ENOX1: variants seen among roughly 807,000 people sequenced by gnomAD.
ENOX1 encodes the protein candidate growth-related and time keeping constitutive hydroquinone (NADH) oxidase.
ENOX1 carries 42 observed loss-of-function variants against 82.5 expected under a neutral mutation model. The ratio of observed to expected loss-of-function variants is 0.51; its 90% CI spans 0.40 to 0.66. ENOX1 has a LOEUF of 0.66. Among genes scored for constraint, ENOX1 ranks in the 30% least tolerant of loss-of-function variants. The probability of loss-of-function intolerance (pLI) is 0.00; values close to 1 mark genes in which losing one functional copy is unlikely to be tolerated. For missense variants in ENOX1, 608 were observed against 811.6 expected (o/e 0.75, Z 3.05); for synonymous variants, 271 against 282.2 (o/e 0.96, Z 0.40).
intron 2 of ENOX1, among the ~76,000 whole-genome samples, chr13:43,503,815 C>G (rs1038664906): frequency 6.6e-6 from 1 of 151,626 alleles, no homozygotes; most frequent in African/African-American, 2.4e-5. Flanking sequence ...TACCAAAGGA[C>G]AGGCAACAAG....
intron 1 of ENOX1, among the ~76,000 whole-genome samples, chr13:43,669,445 TCAACTCCCTTCTTTTCC>T (rs1235978357): frequency 6.6e-6 from 1 of 152,156 alleles, no homozygotes; most frequent in Non-Finnish European, 1.5e-5. Flanking sequence ...TATCTCTAAT[TCAACTCCCTTCTTTTCC>T]CTTTCAATCT....
intron 5 of ENOX1, among the ~76,000 whole-genome samples, chr13:43,391,829 T>C (rs2052796903): frequency 6.6e-6 from 1 of 152,182 alleles, no homozygotes; most frequent in Non-Finnish European, 1.5e-5. Context: ...TCTTTTAACA[T>C]TAAATTCAAT....
chr13:43,771,229 A>G (rs1190434725), intron 1 of ENOX1, among the ~76,000 whole-genome samples: 1 of 152,188 alleles, frequency 6.6e-6, no homozygotes, highest in Admixed American at 6.5e-5. Context: ...AGCTGCCTCC[A>G]GAAAGAGCAG....
At chr13:43,708,058 A>G (rs1410906165) in intron 1 of ENOX1, among the ~76,000 whole-genome samples, 1 of 152,116 alleles carries the variant, frequency 6.6e-6, no homozygotes, top group Non-Finnish European at 1.5e-5. Context: ...GTTTCCCAGT[A>G]GATAGAGAAC....
Position 43,322,486 on chromosome 13 carries a change from G to A in ENOX1, c.1159C>T (p.Gln387Ter), listed in dbSNP as rs769658289. The A allele has an allele frequency of 1.2e-6, 2 of 1,613,422 alleles. No homozygotes were observed. Among genetic ancestry groups the A allele is most frequent in the Admixed American group, 1.7e-5 (1 of 59,920 alleles). The change falls in exon 11 of 17, where the codon CAA becomes TAA. Residue 387 changes from glutamine (Q) to a stop codon, truncating the protein, a stop_gained. Transcript: ENST00000690772. LOFTEE classifies it high-confidence loss of function. Reference sequence around the variant, plus strand: ...CGGATGCCCATGAGCTGCTCACTTTGAGCATTCCGGAGCTCCTGCAAGTAG... The same window carrying A: ...CGGATGCCCATGAGCTGCTCACTTTAAGCATTCCGGAGCTCCTGCAAGTAG... Reference protein sequence around the residue: ...RKHSEELRNAQSEQLMGIRRE... With the variant: ...RKHSEELRNA
intron 2 of ENOX1, among the ~76,000 whole-genome samples, chr13:43,496,237 CTT>C (rs79030140): frequency 0.22 from 33,279 of 151,696 alleles, 3,962 homozygotes; most frequent in Middle Eastern, 0.29. Flanking sequence ...CATCTTTTGA[CTT>C]TTTCTAGAAA....
intron 2 of ENOX1, among the ~76,000 whole-genome samples, chr13:43,616,202 A>AT (rs1248736402): frequency 2.4e-5 from 1 of 41,236 alleles, no homozygotes; most frequent in Non-Finnish European, 4.6e-5. Context: ...ATATATATAT[A>AT]TATTTTTTTT....
intron 1 of ENOX1, among the ~76,000 whole-genome samples, chr13:43,669,198 TAA>T (rs2085136477): frequency 6.6e-6 from 1 of 152,154 alleles, no homozygotes; most frequent in Admixed American, 6.6e-5. Flanking sequence ...AGAATCACAT[TAA>T]AGTTAATACA....
At chr13:43,567,950 G>C (rs1230040589) in intron 2 of ENOX1, among the ~76,000 whole-genome samples, 2 of 152,130 alleles carry the variant, frequency 1.3e-5, no homozygotes, top group African/African-American at 4.8e-5. Flanking sequence ...TCTCTAATGA[G>C]ACTACAGCTT....
At chr13:43,752,590 T>C (rs1358156161) in intron 1 of ENOX1, among the ~76,000 whole-genome samples, 3 of 152,182 alleles carry the variant, frequency 2.0e-5, no homozygotes, top group Non-Finnish European at 4.4e-5. Flanking sequence ...TTTTTGCTTA[T>C]GGATATCTTG....
chr13:43,570,520 G>A (rs1433944178), intron 2 of ENOX1, among the ~76,000 whole-genome samples: 4 of 152,160 alleles, frequency 2.6e-5, no homozygotes, highest in African/African-American at 4.8e-5. Context: ...CAAATAAGAA[G>A]GGGTATCGAT....
chr13:43,615,686 G>A (rs9590776), intron 2 of ENOX1, among the ~76,000 whole-genome samples: 34,238 of 151,848 alleles, frequency 0.23, 4,228 homozygotes, highest in Non-Finnish European at 0.29. Context: ...GTGGTTTGCT[G>A]CACCCATCAA....
At chr13:43,577,686 T>C (rs897827222) in intron 2 of ENOX1, among the ~76,000 whole-genome samples, 3 of 152,232 alleles carry the variant, frequency 2.0e-5, no homozygotes, top group African/African-American at 7.2e-5. Context: ...ACAATACTAC[T>C]GCTCTGGGGA....
chr13:43,404,399 C>A (rs1253296572), intron 5 of ENOX1, among the ~76,000 whole-genome samples: 1 of 152,160 alleles, frequency 6.6e-6, no homozygotes, highest in Non-Finnish European at 1.5e-5. Context: ...GGTCTTTGAA[C>A]AGGACATTTT....
At chr13:43,566,319 A>G (rs771992259) in intron 2 of ENOX1, among the ~76,000 whole-genome samples, 1 of 152,110 alleles carries the variant, frequency 6.6e-6, no homozygotes, top group African/African-American at 2.4e-5. Flanking sequence ...AAGGATGATT[A>G]TCTCACAGTC....
In ENOX1 at chr13:43,326,439, T is replaced by C; in HGVS notation, c.1123A>G (p.Ile375Val). The C allele has an allele frequency of 1.2e-6, 2 of 1,614,132 alleles. No homozygotes were observed. The highest frequency in any genetic ancestry group is 4.5e-5 in the East Asian group (2 of 44,892). ...CCAACCTCAGAATGCTTTCGCCAAATGTCTATGTTCTTGCGCTGGGCTTTC... is the reference window on the plus strand; with the variant it reads ...CCAACCTCAGAATGCTTTCGCCAAACGTCTATGTTCTTGCGCTGGGCTTTC... ...FSKAQRKNIDIWRKHSEELRN... is the reference protein window; with the variant it reads ...FSKAQRKNIDVWRKHSEELRN... The change falls in exon 10 of 17, where the codon ATT (isoleucine) becomes GTT (valine). Residue 375 changes from isoleucine (I) to valine (V), a missense_variant. Coordinates refer to ENST00000690772, the MANE Select transcript of ENOX1 (RefSeq NM_001347969.2).
chr13:43,424,559 T>C (rs1423921740), intron 3 of ENOX1, among the ~76,000 whole-genome samples: 1 of 152,244 alleles, frequency 6.6e-6, no homozygotes, highest in Non-Finnish European at 1.5e-5. Flanking sequence ...AGTTACTCTT[T>C]AAACAAATGT....
intron 1 of ENOX1, among the ~76,000 whole-genome samples, chr13:43,672,248 G>A (rs1484009056): frequency 2.0e-5 from 3 of 152,182 alleles, no homozygotes; most frequent in Non-Finnish European, 4.4e-5. Context: ...ATGTATTTTA[G>A]TGTAACTCTA....
intron 3 of ENOX1, among the ~76,000 whole-genome samples, chr13:43,423,500 AT>A (rs2055099152): frequency 1.3e-5 from 2 of 152,216 alleles, no homozygotes; most frequent in African/African-American, 4.8e-5. Flanking sequence ...GAGTTTATCA[AT>A]TCCTACTTCT....
Sources: gnomAD v4.1 joint callset for allele counts (sites outside exome capture counted in the v4.1 genomes callset) on GRCh38, gnomAD v4.1.1 for gene constraint, MANE v1.5 for transcripts, NCBI Gene and HGNC (gene_info 2026-07-23, HGNC 2026-07-21) for gene names.